Variants in RIN3 observed in about 807,000 individuals in gnomAD.
RIN3 encodes Ras and Rab interactor 3.
In RIN3, 54 loss-of-function variants were observed where a neutral mutation model predicts 76.3. The observed-to-expected ratio is 0.71, with a 90% CI of 0.57 to 0.89. The LOEUF (loss-of-function observed/expected upper bound fraction) is 0.89, where lower values mean the gene tolerates loss of function less well. Among genes scored for constraint, RIN3 ranks in the 40% least tolerant of loss-of-function variants. RIN3 has a pLI of 0.00. For missense variants in RIN3, 1,256 were observed against 1,322.1 expected, an observed-to-expected ratio of 0.95 and a Z score of 0.78; for synonymous variants, 576 against 564.0, an observed-to-expected ratio of 1.02 and a Z score of -0.30.
rs1368366615 is a variant in RIN3, at chr14:92,561,038, A to T, written c.249+5083A>T. 4.8e-4 allele frequency among the ~76,000 whole-genome samples: 7 copies of T among 14,624 alleles called. 1 individual carries two copies. Among genetic ancestry groups the T allele is most frequent in the African/African-American group, 8.0e-4 (4 of 4,984 alleles). The allele number at this position is 14,624 out of a possible 152,430, so 9.6% of individuals were successfully genotyped here. On this transcript the variant is annotated intron_variant, in intron 2 of 9. Transcript: ENST00000216487. Reference sequence around the variant, plus strand: ...CTCTGTCTAAAAAAAAAAAAAAAAAAAAAAAAATATATATATATCTGCCAT... The same window carrying T: ...CTCTGTCTAAAAAAAAAAAAAAAAATAAAAAAATATATATATATCTGCCAT...
intron 3 of RIN3, among the ~76,000 whole-genome samples, chr14:92,585,433 C>T (rs1253805332): frequency 1.3e-5 from 2 of 152,156 alleles, no homozygotes; most frequent in African/African-American, 2.4e-5. Flanking sequence ...GAATTTAAAA[C>T]GTCCCCATAG....
At chr14:92,596,456 G>A (rs1441515628) in intron 3 of RIN3, among the ~76,000 whole-genome samples, 2 of 152,168 alleles carry the variant, frequency 1.3e-5, no homozygotes, top group African/African-American at 4.8e-5. Context: ...GATGCCACGT[G>A]CAAGCTCTTT....
At chr14:92,627,762 C>G (rs552360112) in intron 4 of RIN3, among the ~76,000 whole-genome samples, 1 of 152,304 alleles carries the variant, frequency 6.6e-6, no homozygotes, top group Admixed American at 6.5e-5. Flanking sequence ...TGGGAGATGA[C>G]CAGAGACCCC....
At chr14:92,532,183 C>T (rs1271694338) in intron 1 of RIN3, among the ~76,000 whole-genome samples, 1 of 152,108 alleles carries the variant, frequency 6.6e-6, no homozygotes, top group Non-Finnish European at 1.5e-5. Context: ...CCTGCTTTGG[C>T]CTCCCAAAGT....
chr14:92,679,030 G>T lies in RIN3; in HGVS notation c.2467+2424G>T, dbSNP rs921076695. Among the ~76,000 whole-genome samples the T allele has an allele frequency of 6.6e-5, 10 of 152,324 alleles. 1 individual carries two copies. The highest frequency in any genetic ancestry group is 2.4e-4 in the African/African-American group (10 of 41,572). On this transcript the variant is annotated intron_variant, in intron 8 of 9. Transcript: ENST00000216487. ...ATGGCCTCCTGGGATCCTTCTTCCT[G>T]TTCCCAGAAGCCTAGGGGATTTGGG...
At chr14:92,661,041 T>G in intron 7 of RIN3, among the ~76,000 whole-genome samples, 1 of 152,184 alleles carries the variant, frequency 6.6e-6, no homozygotes, top group African/African-American at 2.4e-5. Context: ...ATGATTTACT[T>G]AACTCCTTAG....
rs1385998329 is a variant in RIN3 at position 92,656,140 on chromosome 14, C to T, written c.2027-3021C>T. Among the ~76,000 whole-genome samples, 1 of 152,142 alleles carries T rather than the reference C, an allele frequency of 6.6e-6. No homozygotes were observed. The highest frequency in any genetic ancestry group is 1.5e-5 in the Non-Finnish European group (1 of 68,032). On this transcript the variant is annotated intron_variant, in intron 6 of 9. Coordinates refer to ENST00000216487, the MANE Select transcript of RIN3 (RefSeq NM_024832.5). This position sits in a 1 kb window ranked among gnomAD's most constrained non-coding sequence, Gnocchi z 5.2. ...CCAGAGGAAACTGTGGTCAGCCCTGCCTTCCAGAGTTGGGGGAGTGTAAGA... is the reference window on the plus strand; with the variant it reads ...CCAGAGGAAACTGTGGTCAGCCCTGTCTTCCAGAGTTGGGGGAGTGTAAGA...
chr14:92,603,082 G>A (rs987777698), intron 3 of RIN3, among the ~76,000 whole-genome samples: 3 of 152,164 alleles, frequency 2.0e-5, no homozygotes, highest in Non-Finnish European at 1.5e-5. Flanking sequence ...CATCGCACTC[G>A]GCCCAGGGCC....
At chr14:92,540,475 G>GC (rs963700972) in intron 1 of RIN3, among the ~76,000 whole-genome samples, 1 of 152,188 alleles carries the variant, frequency 6.6e-6, no homozygotes, top group African/African-American at 2.4e-5. Flanking sequence ...CAGTTATTTA[G>GC]CCCCTGGAAA....
At chr14:92,677,025 G>C (rs149643631) in intron 8 of RIN3, among the ~76,000 whole-genome samples, 104 of 152,280 alleles carry the variant, frequency 6.8e-4, no homozygotes, top group African/African-American at 2.3e-3. Flanking sequence ...AAAAGAAGGG[G>C]CTGAAGTGGC....
intron 3 of RIN3, among the ~76,000 whole-genome samples, chr14:92,594,119 A>T (rs977187306): frequency 6.6e-6 from 1 of 151,938 alleles, no homozygotes; most frequent in South Asian, 2.1e-4. Flanking sequence ...CGTAATACAC[A>T]CCTTAAAAAA....
At position 92,662,434 on chromosome 14, in the gene RIN3, C is replaced by T. The variant is rs777278691; in HGVS notation, c.2335+2965C>T. On this transcript the variant is annotated intron_variant, in intron 7 of 9. Coordinates refer to ENST00000216487, the MANE Select transcript of RIN3 (RefSeq NM_024832.5). ...GTCCAGGCTTCCTTGCCGGCTCTGC[C>T]GCTTCTCGGCTTGTGGCTGTGTTCA... 4.2e-4 allele frequency among the ~76,000 whole-genome samples: 64 copies of T among 152,360 alleles called. 1 individual carries two copies. Among genetic ancestry groups the T allele is most frequent in the African/African-American group, 1.4e-3 (59 of 41,580 alleles).
intron 1 of RIN3, among the ~76,000 whole-genome samples, chr14:92,537,525 G>C (rs1000821624): frequency 3.3e-5 from 5 of 152,028 alleles, no homozygotes; most frequent in African/African-American, 1.2e-4. Flanking sequence ...CTGGGTCAAG[G>C]GGCCTATGTG....
chr14:92,616,444 A>G (rs1328215349), intron 4 of RIN3, among the ~76,000 whole-genome samples: 2 of 152,166 alleles, frequency 1.3e-5, no homozygotes, highest in African/African-American at 4.8e-5. Context: ...CCTACACTGT[A>G]TGGAGAGGAT....
intron 2 of RIN3, among the ~76,000 whole-genome samples, chr14:92,565,731 G>A (rs1346746122): frequency 1.3e-5 from 2 of 152,128 alleles, no homozygotes; most frequent in African/African-American, 4.8e-5. Context: ...ATGACCAGAG[G>A]CCACTTTCAT....
intron 2 of RIN3, among the ~76,000 whole-genome samples, chr14:92,563,361 C>T (rs1440311110): frequency 6.6e-6 from 1 of 151,812 alleles, no homozygotes; most frequent in African/African-American, 2.4e-5. Context: ...AACTCTGTCT[C>T]AAAACAAACA....
At chr14:92,547,387 T>TAAAATAAATTATC (rs1897314501) in intron 1 of RIN3, among the ~76,000 whole-genome samples, 2 of 141,478 alleles carry the variant, frequency 1.4e-5, no homozygotes, top group African/African-American at 2.6e-5. Context: ...TTTATTATTA[T>TAAAATAAATTATC]TTTATTTTAT....
intron 1 of RIN3, among the ~76,000 whole-genome samples, chr14:92,550,178 A>C (rs1337043410): frequency 6.6e-6 from 1 of 152,178 alleles, no homozygotes; most frequent in African/African-American, 2.4e-5. Flanking sequence ...AAGTCACTTC[A>C]ATCAAATGTG....
At chr14:92,606,569 CAAGT>C (rs898676425) in intron 3 of RIN3, among the ~76,000 whole-genome samples, 1 of 152,050 alleles carries the variant, frequency 6.6e-6, no homozygotes, top group Non-Finnish European at 1.5e-5. Flanking sequence ...TAAATAAAGA[CAAGT>C]AACCCAATCA....
Sources: allele counts gnomAD v4.1 joint callset (sites outside exome capture counted in the v4.1 genomes callset), GRCh38; gene constraint gnomAD v4.1.1; non-coding constraint Gnocchi (gnomAD v3.1); transcripts MANE v1.5; gene names NCBI Gene and HGNC (gene_info 2026-07-23, HGNC 2026-07-21).